KCNH1: variants seen among roughly 807,000 people sequenced by gnomAD.
KCNH1 encodes the protein potassium voltage-gated channel subfamily H member 1.
A neutral mutation model predicts 69.2 loss-of-function variants in KCNH1; 27 were observed. The observed-to-expected ratio is 0.39, with a 90% CI of 0.29 to 0.54. KCNH1 has a LOEUF of 0.54. KCNH1 is among the 20% of genes least tolerant of loss of function. The pLI is 0.68. For synonymous variants in KCNH1, 456 were observed against 487.7 expected, an observed-to-expected ratio of 0.93 and a Z score of 0.86; for missense variants, 798 against 1,261.6, an observed-to-expected ratio of 0.63 and a Z score of 5.57.
At chr1:210,988,212 C>G (rs928666251) in intron 6 of KCNH1, among the ~76,000 whole-genome samples, 2 of 152,166 alleles carry the variant, frequency 1.3e-5, no homozygotes, top group Admixed American at 6.5e-5. Flanking sequence ...AAGGGAATTC[C>G]CTGACCCCTT....
chr1:210,852,204 G>A (rs537305729), intron 7 of KCNH1, among the ~76,000 whole-genome samples: 1 of 152,324 alleles, frequency 6.6e-6, no homozygotes, highest in South Asian at 2.1e-4. Context: ...CAGTGGAGAA[G>A]GGGGATTCCA....
chr1:210,910,281 A>AAG (rs1211620030), intron 7 of KCNH1, among the ~76,000 whole-genome samples: 1 of 148,684 alleles, frequency 6.7e-6, no homozygotes, highest in Non-Finnish European at 1.5e-5. Flanking sequence ...AAGCACCAAA[A>AAG]AAAAAAAAAA....
intron 6 of KCNH1, among the ~76,000 whole-genome samples, chr1:210,979,694 C>G (rs1688676557): frequency 6.6e-6 from 1 of 151,980 alleles, no homozygotes; most frequent in African/African-American, 2.4e-5. Flanking sequence ...AGAGTGTTTT[C>G]TGGTCTTTGA....
intron 6 of KCNH1, among the ~76,000 whole-genome samples, chr1:210,999,056 A>C (rs1689112528): frequency 6.6e-6 from 1 of 152,236 alleles, no homozygotes; most frequent in African/African-American, 2.4e-5. Flanking sequence ...CCACAAGAGA[A>C]AGCAGGAAAG....
At chr1:210,905,700 T>G (rs2102541949) in intron 7 of KCNH1, among the ~76,000 whole-genome samples, 1 of 151,944 alleles carries the variant, frequency 6.6e-6, no homozygotes, top group Middle Eastern at 3.4e-3. Context: ...GTGTTCCCAG[T>G]GGGGTTCACA....
chr1:210,804,945 A>C (rs1684504546), intron 7 of KCNH1, among the ~76,000 whole-genome samples: 1 of 152,182 alleles, frequency 6.6e-6, no homozygotes, highest in Non-Finnish European at 1.5e-5. Context: ...CTACATTTGC[A>C]TTAGGAAGAA....
intron 10 of KCNH1, among the ~76,000 whole-genome samples, chr1:210,768,992 C>T (rs1392592799): frequency 6.6e-6 from 1 of 152,166 alleles, no homozygotes; most frequent in African/African-American, 2.4e-5. Context: ...TCACTCACAT[C>T]ATCTCTCCCC....
At chr1:210,799,208 G>T (rs1315790338) in intron 8 of KCNH1, among the ~76,000 whole-genome samples, 1 of 152,114 alleles carries the variant, frequency 6.6e-6, no homozygotes, top group East Asian at 1.9e-4. Flanking sequence ...CCCACAAACT[G>T]TATGATATAA....
At chr1:210,704,989 G>A (rs1327314563) in intron 10 of KCNH1, among the ~76,000 whole-genome samples, 5 of 152,164 alleles carry the variant, frequency 3.3e-5, no homozygotes, top group African/African-American at 9.7e-5. Context: ...GGGAGGGTTG[G>A]GTGGAGGTAG....
intron 10 of KCNH1, among the ~76,000 whole-genome samples, chr1:210,728,448 G>A (rs11119581): frequency 0.21 from 32,216 of 152,162 alleles, 4,214 homozygotes; most frequent in African/African-American, 0.37. Flanking sequence ...AAGACCAATG[G>A]TGAAATAATA....
chr1:210,770,703 T>C (rs775565141), intron 10 of KCNH1, among the ~76,000 whole-genome samples: 7 of 152,252 alleles, frequency 4.6e-5, no homozygotes, highest in Non-Finnish European at 1.0e-4. Context: ...GGTTTTACCG[T>C]ACATGTTTCT....
chr1:210,814,675 T>C (rs1272380307), intron 7 of KCNH1, among the ~76,000 whole-genome samples: 1 of 152,150 alleles, frequency 6.6e-6, no homozygotes, highest in East Asian at 1.9e-4. Flanking sequence ...CTTCTTAGGG[T>C]GGCTGGGAAT....
intron 7 of KCNH1, among the ~76,000 whole-genome samples, chr1:210,898,303 C>A (rs1297017171): frequency 6.6e-6 from 1 of 151,812 alleles, no homozygotes; most frequent in Non-Finnish European, 1.5e-5. Flanking sequence ...CTGTCAAGGG[C>A]AAAAAAATAT....
At chr1:210,855,762 T>G (rs955889800) in intron 7 of KCNH1, among the ~76,000 whole-genome samples, 4 of 152,114 alleles carry the variant, frequency 2.6e-5, no homozygotes, top group Non-Finnish European at 5.9e-5. Flanking sequence ...GCTTCACACA[T>G]AGTCAAGGGG....
At chr1:211,118,478 C>A (rs947726228) in intron 1 of KCNH1, among the ~76,000 whole-genome samples, 1 of 152,200 alleles carries the variant, frequency 6.6e-6, no homozygotes, top group African/African-American at 2.4e-5. Context: ...ATTCTACTGC[C>A]GCCTTCTGAT....
intron 7 of KCNH1, among the ~76,000 whole-genome samples, chr1:210,893,872 G>A (rs936481305): frequency 6.6e-6 from 1 of 152,068 alleles, no homozygotes; most frequent in Non-Finnish European, 1.5e-5. Context: ...GATGTCTAGT[G>A]TCAATTCTGC....
At chr1:211,117,174 CTTTT>C (rs995356141) in intron 1 of KCNH1, among the ~76,000 whole-genome samples, 1 of 152,142 alleles carries the variant, frequency 6.6e-6, no homozygotes, top group African/African-American at 2.4e-5. Flanking sequence ...CACTGTCTTT[CTTTT>C]GTGTGTATGT....
intron 7 of KCNH1, among the ~76,000 whole-genome samples, chr1:210,814,025 A>T (rs1368635398): frequency 6.6e-6 from 1 of 152,158 alleles, no homozygotes; most frequent in Non-Finnish European, 1.5e-5. Context: ...AGTGCATTAA[A>T]CCACTTTTTT....
At chr1:210,845,423 C>T (rs11119616) in intron 7 of KCNH1, among the ~76,000 whole-genome samples, 40,308 of 147,990 alleles carry the variant, frequency 0.27, 3,800 homozygotes, top group East Asian at 0.4. Context: ...GCTGGTTAAA[C>T]ATACGCAAAT....
Sources: allele counts gnomAD v4.1 joint callset (sites outside exome capture counted in the v4.1 genomes callset), GRCh38; gene constraint gnomAD v4.1.1; transcripts MANE v1.5; gene names NCBI Gene and HGNC (gene_info 2026-07-23, HGNC 2026-07-21).